Variants in RBFOX1 observed in about 807,000 individuals in gnomAD.
RBFOX1 encodes RNA binding protein fox-1 homolog 1.
RBFOX1 carries 8 observed loss-of-function variants against 57.7 expected under a neutral mutation model. The ratio of observed to expected loss-of-function variants is 0.14; its 90% CI spans 0.08 to 0.25. RBFOX1 has a LOEUF of 0.25. Among genes scored for constraint, RBFOX1 ranks in the 10% least tolerant of loss-of-function variants. The pLI is 1.00. For synonymous variants in RBFOX1, 326 were observed against 222.4 expected, an observed-to-expected ratio of 1.47 and a Z score of -4.15; for missense variants, 611 against 548.5, an observed-to-expected ratio of 1.11 and a Z score of -1.14.
chr16:5,642,572 G>A (rs991305789), intron 3 of RBFOX1, among the ~76,000 whole-genome samples: 5 of 152,102 alleles, frequency 3.3e-5, no homozygotes, highest in Non-Finnish European at 5.9e-5. Flanking sequence ...CATCAGGTGC[G>A]GTGATTGGAG....
chr16:6,109,321 G>A (rs75075906), intron 1 of RBFOX1, among the ~76,000 whole-genome samples: 5,974 of 152,198 alleles, frequency 0.039, 192 homozygotes, highest in African/African-American at 0.086. Context: ...TTCATGCCGT[G>A]TTTCAGGTTT....
chr16:6,642,145 G>A (rs1323980427), intron 2 of RBFOX1, among the ~76,000 whole-genome samples: 1 of 152,180 alleles, frequency 6.6e-6, no homozygotes. Context: ...GTGACTGACA[G>A]AAGGCAGGCG....
At chr16:6,218,427 G>C (rs1427342706) in intron 1 of RBFOX1, among the ~76,000 whole-genome samples, 2 of 152,028 alleles carry the variant, frequency 1.3e-5, no homozygotes, top group South Asian at 2.1e-4. Context: ...TTGTGCCTTA[G>C]CCTGCCGAGT....
At chr16:5,365,164 C>T (rs1412100174) in intron 1 of RBFOX1, among the ~76,000 whole-genome samples, 1 of 152,164 alleles carries the variant, frequency 6.6e-6, no homozygotes, top group Non-Finnish European at 1.5e-5. Context: ...CAGAACATCC[C>T]TAAGTACCGC....
At chr16:5,788,903 T>C (rs1030603234) in intron 3 of RBFOX1, among the ~76,000 whole-genome samples, 1 of 152,136 alleles carries the variant, frequency 6.6e-6, no homozygotes, top group Non-Finnish European at 1.5e-5. Context: ...TTGCACCCCA[T>C]ATGTAAGGCT....
intron 14 of RBFOX1, among the ~76,000 whole-genome samples, chr16:7,696,626 C>T (rs1568517515): frequency 6.6e-6 from 1 of 152,002 alleles, no homozygotes; most frequent in Non-Finnish European, 1.5e-5. Flanking sequence ...TTAAATGAGT[C>T]AGGAGAAGGT....
chr16:6,261,506 C>A (rs1027034777), intron 1 of RBFOX1, among the ~76,000 whole-genome samples: 1 of 152,192 alleles, frequency 6.6e-6, no homozygotes, highest in African/African-American at 2.4e-5. Context: ...GTACAGCAGA[C>A]AAACAGAAAC....
At chr16:6,017,289 G>C (rs1447355674), upstream of RBFOX1, among the ~76,000 whole-genome samples, 1 of 152,150 alleles carries the variant, frequency 6.6e-6, no homozygotes, top group Admixed American at 6.5e-5. Context: ...TATTCCAACA[G>C]AATTTCCCGT....
intron 1 of RBFOX1, among the ~76,000 whole-genome samples, chr16:6,187,163 A>C (rs1447578537): frequency 6.6e-6 from 1 of 152,118 alleles, no homozygotes; most frequent in Non-Finnish European, 1.5e-5. Flanking sequence ...TGGCCCTATC[A>C]TACAAAGCCC....
chr16:7,432,259 G>A (rs1420545302), intron 4 of RBFOX1, among the ~76,000 whole-genome samples: 2 of 152,222 alleles, frequency 1.3e-5, no homozygotes, highest in Non-Finnish European at 1.5e-5. Context: ...CCCAAGGTGG[G>A]ATAGAATGCT....
intron 3 of RBFOX1, among the ~76,000 whole-genome samples, chr16:6,664,449 C>T (rs923914136): frequency 6.6e-6 from 1 of 152,196 alleles, no homozygotes; most frequent in Non-Finnish European, 1.5e-5. Context: ...CATCTTGTAT[C>T]TACAGATCTG....
At chr16:6,321,233 G>A (rs2081751966) in intron 2 of RBFOX1, among the ~76,000 whole-genome samples, 2 of 152,060 alleles carry the variant, frequency 1.3e-5, no homozygotes. Context: ...ATTTCTTTGT[G>A]TCCGGAGAGT....
intron 2 of RBFOX1, among the ~76,000 whole-genome samples, chr16:6,534,044 A>C (rs551574851): frequency 1.0e-3 from 155 of 152,242 alleles, no homozygotes; most frequent in African/African-American, 3.7e-3. Context: ...TCTGGACTTA[A>C]ATATTTTATC....
At chr16:6,884,905 C>T (rs531857652) in intron 3 of RBFOX1, among the ~76,000 whole-genome samples, 1 of 152,202 alleles carries the variant, frequency 6.6e-6, no homozygotes, top group East Asian at 1.9e-4. Flanking sequence ...TTCAAACAAA[C>T]AAACAAAACA....
Position 5,709,858 on chromosome 16 carries a change from T to TA in RBFOX1, c.318+110897_318+110898insA, listed in dbSNP as rs2051417088. Among the ~76,000 whole-genome samples, 5 of 55,240 alleles carry TA rather than the reference T, an allele frequency of 9.1e-5. 1 individual carries two copies. Among genetic ancestry groups the TA allele is most frequent in the Admixed American group, 3.6e-4 (2 of 5,488 alleles). The allele number at this position is 55,240 out of a possible 152,430, so 36.2% of individuals were successfully genotyped here. On this transcript the variant is annotated intron_variant, in intron 3 of 19. Transcript: ENST00000641259. ...ATATATATATATTTTTTTTTTTTTT[T>TA]TTTTTTTTTTTTTTTTTTTACCATT...
chr16:5,926,947 G>C (rs1039401753), intron 4 of RBFOX1, among the ~76,000 whole-genome samples: 15 of 152,168 alleles, frequency 9.9e-5, no homozygotes, highest in African/African-American at 3.6e-4. Flanking sequence ...GTTGGGATGT[G>C]AATGCGTGCA....
intron 1 of RBFOX1, among the ~76,000 whole-genome samples, chr16:5,374,453 C>T (rs1439469086): frequency 6.6e-6 from 1 of 151,976 alleles, no homozygotes; most frequent in Non-Finnish European, 1.5e-5. Context: ...GAGGAGGGAG[C>T]CCTGTGAGAA....
intron 7 of RBFOX1, among the ~76,000 whole-genome samples, chr16:7,591,120 G>A (rs865977374): frequency 2.8e-4 from 43 of 152,220 alleles, no homozygotes; most frequent in Middle Eastern, 6.8e-3. Context: ...CTGGAAAGAA[G>A]GAACATTTAA....
At chr16:5,911,998 G>T (rs1035403313) in intron 4 of RBFOX1, among the ~76,000 whole-genome samples, 2 of 152,164 alleles carry the variant, frequency 1.3e-5, no homozygotes, top group Non-Finnish European at 2.9e-5. Context: ...GAGACAGGAA[G>T]ACCAAAGGAG....
Sources: allele counts gnomAD v4.1 joint callset (sites outside exome capture counted in the v4.1 genomes callset), GRCh38; gene constraint gnomAD v4.1.1; transcripts MANE v1.5; gene names NCBI Gene and HGNC (gene_info 2026-07-23, HGNC 2026-07-21).